Variants in DCAF17 observed in about 807,000 individuals in gnomAD.
DCAF17 encodes the protein DDB1 and CUL4 associated factor 17, also known as DDB1- and CUL4-associated factor 17.
A neutral mutation model predicts 66.0 loss-of-function variants in DCAF17; 48 were observed. That is an observed-to-expected ratio of 0.73 (90% CI 0.58 to 0.92). The LOEUF (loss-of-function observed/expected upper bound fraction) is 0.92. Among genes scored for constraint, DCAF17 ranks in the 40% least tolerant of loss-of-function variants. The probability of loss-of-function intolerance (pLI) is 0.00; values close to 1 mark genes in which losing one functional copy is unlikely to be tolerated. For synonymous variants in DCAF17, 206 were observed against 214.6 expected (o/e 0.96, Z 0.35); for missense variants, 562 against 622.8 (o/e 0.90, Z 1.04).
chr2:171,452,213 C>T (rs959401473), intron 5 of DCAF17, among the ~76,000 whole-genome samples: 2 of 152,034 alleles, frequency 1.3e-5, no homozygotes, highest in African/African-American at 4.8e-5. Context: ...CTTAAAAGTT[C>T]TATTGAAGCA....
At chr2:171,474,276 G>C (rs1696396019) in intron 10 of DCAF17, 1 of 376,954 alleles carries the variant, frequency 2.7e-6, no homozygotes, top group Non-Finnish European at 5.0e-6. Context: ...TAAGAAAGAA[G>C]AGTATTTGTC....
intron 2 of DCAF17, among the ~76,000 whole-genome samples, chr2:171,436,923 C>T (rs886417561): frequency 3.9e-5 from 6 of 151,956 alleles, no homozygotes; most frequent in South Asian, 4.2e-4. Context: ...TACAGGCATG[C>T]GCCACCACGC....
rs773362482 is a variant in DCAF17 at position 171,449,924 on chromosome 2, A to G, written c.504A>G (p.Ser168=). The G allele has an allele frequency of 2.1e-5, 34 of 1,613,884 alleles. No individual in the cohort carries two copies. The South Asian group carries it at 3.7e-4, about 18-fold the overall frequency. ...CTCAAGAAGTCATTGCAGTTAAGTC[A>G]GCTCAGAACAGAGGCTCAGCAGTGG... The part of the protein sequence containing the change: ...DTPQEVIAVK[S]AQNRGSAVAR... The change falls in exon 5 of 14, where the codon TCA becomes TCG. Residue 168 remains serine (S), a synonymous_variant. Transcript: ENST00000375255.
intron 8 of DCAF17, among the ~76,000 whole-genome samples, chr2:171,461,132 T>G (rs1695562931): frequency 6.6e-6 from 1 of 152,176 alleles, no homozygotes; most frequent in African/African-American, 2.4e-5. Context: ...CAAAAGCAGT[T>G]CCTTTGCATT....
At chr2:171,468,842 C>T in intron 8 of DCAF17, 46 bp from the exon 9 acceptor site, 1 of 1,612,922 alleles carries the variant, frequency 6.2e-7, no homozygotes, top group Middle Eastern at 1.7e-4. Flanking sequence ...TAGTCCAGAG[C>T]CCCCAGAACA....
chr2:171,457,224 T>C (rs887016888), intron 6 of DCAF17, among the ~76,000 whole-genome samples: 1 of 152,224 alleles, frequency 6.6e-6, no homozygotes, highest in Non-Finnish European at 1.5e-5. Context: ...GCCTGTAGGT[T>C]AAGTACTTAT....
At chr2:171,473,467 C>CA (rs923868062) in intron 9 of DCAF17, among the ~76,000 whole-genome samples, 1 of 151,580 alleles carries the variant, frequency 6.6e-6, no homozygotes, top group Admixed American at 6.6e-5. Context: ...CAACATACAC[C>CA]AAAAAAAATT....
chr2:171,463,476 T>A (rs1353934516), intron 8 of DCAF17, among the ~76,000 whole-genome samples: 1 of 152,148 alleles, frequency 6.6e-6, no homozygotes, highest in Non-Finnish European at 1.5e-5. Context: ...TCGGAAGAGA[T>A]ACAGATCAAA....
In DCAF17 at chr2:171,483,361, C is replaced by T; in HGVS notation, c.*2247C>T. 2.2e-6 allele frequency: 1 copy of T among 454,078 alleles called. No individual in the cohort carries two copies. The highest frequency in any genetic ancestry group is 4.4e-6 in the Non-Finnish European group (1 of 226,784). The allele number at this position is 454,078 out of a possible 1,614,324, so 28.1% of individuals were successfully genotyped here. On this transcript the variant is annotated 3_prime_UTR_variant, in exon 14 of 14. Transcript: ENST00000375255. ...AACAATTCTGAGTGTTTAATGCAAGCCCAGGTGAAGCAGGGTAGCTTCCAT... is the reference window on the plus strand; with the variant it reads ...AACAATTCTGAGTGTTTAATGCAAGTCCAGGTGAAGCAGGGTAGCTTCCAT...
intron 13 of DCAF17, among the ~76,000 whole-genome samples, 195 bp downstream of exon 13, chr2:171,480,388 C>T (rs1372389983): frequency 2.0e-5 from 3 of 152,066 alleles, no homozygotes; most frequent in Admixed American, 6.6e-5. Context: ...GGATCCTTAC[C>T]AGTGGCCTTA....
rs1187619410 is a variant in DCAF17, at chr2:171,482,474, C to G, written c.*1360C>G. The G allele has an allele frequency of 2.2e-6, 1 of 453,812 alleles. No individual in the cohort carries two copies. Among genetic ancestry groups the G allele is most frequent in the Admixed American group, 2.4e-5 (1 of 42,524 alleles). 28.1% of individuals were successfully genotyped at this position (453,812 alleles called of 1,614,324 possible). A position where few individuals can be genotyped will look rare whatever the true frequency, so the allele number is the denominator to read the frequency against. ...ACTTTCAATTAGACACTAGCTGTAT[C>G]TAAATAGTCCCACTCAGTAAACTTA... is the stretch of plus-strand genomic sequence containing the variant. On this transcript the variant is annotated 3_prime_UTR_variant, in exon 14 of 14. Coordinates refer to ENST00000375255, the MANE Select transcript of DCAF17 (RefSeq NM_025000.4).
At chr2:171,443,425 G>T in intron 2 of DCAF17, 98 bp from the exon 3 acceptor site, 3 of 900,270 alleles carry the variant, frequency 3.3e-6, no homozygotes, top group East Asian at 2.6e-5. Context: ...ATTGTGCCTT[G>T]GTATTTCACA....
At chr2:171,460,678 A>G (rs923185841) in intron 8 of DCAF17, among the ~76,000 whole-genome samples, 2 of 151,936 alleles carry the variant, frequency 1.3e-5, no homozygotes, top group Non-Finnish European at 2.9e-5. Context: ...CTACAGGTGC[A>G]TGCCACCACA....
In DCAF17 at chr2:171,484,007, A is replaced by T. The variant is rs1337775772; in HGVS notation, c.*2893A>T. On this transcript the variant is annotated 3_prime_UTR_variant, in exon 14 of 14. Coordinates refer to ENST00000375255, the MANE Select transcript of DCAF17 (RefSeq NM_025000.4). ...AGTGCTTAATAATCGTTTTTTACTG[A>T]TGATTCAGTGTCTAAATTTTGAACA... 2.2e-6 allele frequency: 1 copy of T among 453,748 alleles called. No individual in the cohort carries two copies. The highest frequency in any genetic ancestry group is 2.4e-5 in the Admixed American group (1 of 42,524). The allele number at this position is 453,748 out of a possible 1,614,324, so 28.1% of individuals were successfully genotyped here.
chr2:171,453,919 G>A (rs1213399575), intron 6 of DCAF17, among the ~76,000 whole-genome samples: 2 of 152,156 alleles, frequency 1.3e-5, no homozygotes, highest in Admixed American at 6.5e-5. Flanking sequence ...TTTACATTAT[G>A]TAAGCATTAT....
intron 9 of DCAF17, among the ~76,000 whole-genome samples, 156 bp downstream of exon 9, chr2:171,469,186 G>T (rs1178551650): frequency 6.6e-6 from 1 of 152,132 alleles, no homozygotes; most frequent in Non-Finnish European, 1.5e-5. Context: ...AGACAATATA[G>T]AAAACATTTG....
chr2:171,452,283 A>G (rs1694998291), intron 5 of DCAF17, among the ~76,000 whole-genome samples: 1 of 152,088 alleles, frequency 6.6e-6, no homozygotes, highest in Non-Finnish European at 1.5e-5. Flanking sequence ...AATTCCCTTC[A>G]AAACTGTATT....
chr2:171,456,209 C>T (rs903747426), intron 6 of DCAF17, among the ~76,000 whole-genome samples: 5 of 152,062 alleles, frequency 3.3e-5, no homozygotes, highest in South Asian at 2.1e-4. Flanking sequence ...AGGAAGGGGT[C>T]GAGTTTCAAT....
chr2:171,455,281 G>A (rs1172545115), intron 6 of DCAF17, among the ~76,000 whole-genome samples: 1 of 152,078 alleles, frequency 6.6e-6, no homozygotes, highest in African/African-American at 2.4e-5. Context: ...TCCTGTTTTA[G>A]TTTGCTAAGG....
Sources: allele counts gnomAD v4.1 joint callset (sites outside exome capture counted in the v4.1 genomes callset), GRCh38; gene constraint gnomAD v4.1.1; transcripts MANE v1.5; gene names NCBI Gene and HGNC (gene_info 2026-07-23, HGNC 2026-07-21).